The following TNRC18 variants were observed in gnomAD, a reference collection of about 807,000 sequenced individuals.
TNRC18 encodes the protein trinucleotide repeat-containing gene 18 protein.
Under a neutral mutation model 226.7 loss-of-function variants are expected in TNRC18, and 69 were observed. The observed-to-expected ratio is 0.30, with a 90% CI of 0.25 to 0.37. The LOEUF (loss-of-function observed/expected upper bound fraction) is 0.37. Among genes scored for constraint, TNRC18 ranks in the 10% least tolerant of loss-of-function variants. The probability of loss-of-function intolerance (pLI) is 1.00; values close to 1 mark genes in which losing one functional copy is unlikely to be tolerated. For synonymous variants in TNRC18, 2,449 were observed against 1,927.6 expected, an observed-to-expected ratio of 1.27 and a Z score of -7.09; for missense variants, 4,754 against 4,256.6, an observed-to-expected ratio of 1.12 and a Z score of -3.25.
chr7:5,345,831 A>G, intron 17 of TNRC18, 21 bp from the exon 18 acceptor site: 1 of 1,534,646 alleles, frequency 6.5e-7, no homozygotes, highest in Non-Finnish European at 8.7e-7. Flanking sequence ...GAAAACAGGG[A>G]CCGAGTCAGA....
intron 17 of TNRC18, among the ~76,000 whole-genome samples, chr7:5,346,125 G>C (rs946849149): frequency 1.3e-5 from 2 of 152,266 alleles, no homozygotes; most frequent in Non-Finnish European, 2.9e-5. Context: ...ACACGGACAA[G>C]GACTGGAGAC....
intron 2 of TNRC18, among the ~76,000 whole-genome samples, chr7:5,397,360 G>A (rs370691834): frequency 3.3e-5 from 5 of 152,324 alleles, no homozygotes; most frequent in South Asian, 2.1e-4. Flanking sequence ...GGCCCAGGCC[G>A]GCCCCTGCCC....
chr7:5,384,027 C>T (rs1474620748), intron 5 of TNRC18, among the ~76,000 whole-genome samples: 2 of 139,092 alleles, frequency 1.4e-5, no homozygotes, highest in Non-Finnish European at 3.0e-5. Flanking sequence ...TGCAATGGCA[C>T]GATCTCAGCT....
In TNRC18 at chr7:5,351,930, T is replaced by C; in HGVS notation, c.5359A>G (p.Thr1787Ala). ...LTKRGLAAPR[T>A]LKPKPATSRK... ...CTGGTGGCCGGCTTGGGTTTCAGAG[T>C]CCGGGGGGCCGCCAGGCCCCTCTTG... The change falls in exon 17 of 30, where the codon ACT (threonine) becomes GCT (alanine). Residue 1787 changes from threonine to alanine, a missense_variant. Thr to Ala is a moderately conservative substitution (Grantham distance 58). Coordinates refer to ENST00000430969, the MANE Select transcript of TNRC18 (RefSeq NM_001080495.3). 3.1e-6 allele frequency: 5 copies of C among 1,613,596 alleles called. No homozygotes were observed. The highest frequency in any genetic ancestry group is 2.2e-5 in the East Asian group (1 of 44,854).
chr7:5,385,513 A>G (rs1313173140), intron 5 of TNRC18, among the ~76,000 whole-genome samples: 2 of 147,622 alleles, frequency 1.4e-5, no homozygotes, highest in Admixed American at 6.7e-5. Flanking sequence ...AAAAAAAAAA[A>G]AAAAGAAAAA....
chr7:5,376,150 G>C lies in TNRC18; in HGVS notation c.2683C>G (p.His895Asp). 6.3e-7 allele frequency: 1 copy of C among 1,584,490 alleles called. No individual in the cohort carries two copies. Among genetic ancestry groups the C allele is most frequent in the Non-Finnish European group, 8.6e-7 (1 of 1,166,442 alleles). Residue 895 changes from histidine to aspartate, a missense_variant, in exon 9 of 30, where the codon CAC becomes GAC. Physicochemically the swap from His to Asp is moderately conservative, Grantham distance 81. Transcript: ENST00000430969. ...LYPPGRSPLH[H>D]AQQLQLFSQQ... The stretch of plus-strand genomic sequence containing the variant: ...GAGAAGAGCTGCAGCTGCTGGGCGT[G>C]GTGCAGGGGGCTGCGGCCCGGCGGG...
At chr7:5,327,372 CGTGTGTGTGTGTGT>C (rs5882054) in intron 19 of TNRC18, among the ~76,000 whole-genome samples, 20,494 of 142,740 alleles carry the variant, frequency 0.14, 1,474 homozygotes, top group Admixed American at 0.21. Flanking sequence ...TGTGTTTGTG[CGTGTGTGTGTGTGT>C]GTGTGTGTGT....
At chr7:5,414,528 T>C (rs1260763209) in intron 2 of TNRC18, among the ~76,000 whole-genome samples, 1 of 152,046 alleles carries the variant, frequency 6.6e-6, no homozygotes, top group Admixed American at 6.6e-5. Flanking sequence ...TTCTCCTGCC[T>C]CAGCCTCCAG....
chr7:5,316,107 G>C (rs564186758), intron 24 of TNRC18, 35 bp from the exon 25 acceptor site: 5 of 1,546,686 alleles, frequency 3.2e-6, no homozygotes, highest in African/African-American at 2.7e-5. Context: ...GGAGGCCCTC[G>C]GACCTCCAGC....
At chr7:5,342,089 C>T (rs1790740468) in intron 18 of TNRC18, among the ~76,000 whole-genome samples, 3 of 151,960 alleles carry the variant, frequency 2.0e-5, no homozygotes, top group African/African-American at 7.3e-5. Context: ...ATGATGATTC[C>T]TCTGATGGAT....
At chr7:5,402,395 C>T (rs756636681) in intron 2 of TNRC18, among the ~76,000 whole-genome samples, 56 of 151,488 alleles carry the variant, frequency 3.7e-4, no homozygotes, top group Admixed American at 1.3e-3. Context: ...ATTAGCCATG[C>T]ATGGCGGTGT....
intron 15 of TNRC18, among the ~76,000 whole-genome samples, chr7:5,358,631 T>C (rs373539862): frequency 2.4e-4 from 36 of 152,280 alleles, no homozygotes; most frequent in African/African-American, 7.9e-4. Flanking sequence ...CTGGCCAAGA[T>C]GGTGAAACCC....
chr7:5,354,294 C>T (rs1792125315), intron 16 of TNRC18, among the ~76,000 whole-genome samples: 1 of 152,060 alleles, frequency 6.6e-6, no homozygotes, highest in Non-Finnish European at 1.5e-5. Context: ...GCTCGGAGCA[C>T]CCCAGAGACA....
intron 14 of TNRC18, 101 bp downstream of exon 14, chr7:5,361,493 C>A: frequency 2.9e-6 from 4 of 1,360,450 alleles, no homozygotes; most frequent in Non-Finnish European, 3.8e-6. Context: ...GCCCGAGGGA[C>A]GCGAGGTCCC....
At chr7:5,404,144 G>A (rs553615309) in intron 2 of TNRC18, among the ~76,000 whole-genome samples, 11 of 152,326 alleles carry the variant, frequency 7.2e-5, no homozygotes, top group African/African-American at 2.4e-4. Flanking sequence ...AGGCCAAGGC[G>A]GTTCGATCAC....
intron 5 of TNRC18, 100 bp downstream of exon 5, chr7:5,387,571 GA>G: frequency 6.8e-7 from 1 of 1,476,592 alleles, no homozygotes; most frequent in Admixed American, 2.2e-5. Flanking sequence ...TACTTATAAA[GA>G]CTTAGCAATA....
Position 5,388,313 on chromosome 7 carries a change from G to A in TNRC18, c.1511C>T (p.Thr504Ile). The A allele has an allele frequency of 1.2e-6, 2 of 1,604,826 alleles. No homozygotes were observed. The highest frequency in any genetic ancestry group is 1.7e-6 in the Non-Finnish European group (2 of 1,176,800). ...FGLEPGRPPP[T>I]GPEHKWKPFE... ...GGGTTTCCATTTATGCTCAGGGCCGGTGGGCGGGGGGCGCCCGGGCTCCAG... is the reference window on the plus strand; with the variant it reads ...GGGTTTCCATTTATGCTCAGGGCCGATGGGCGGGGGGCGCCCGGGCTCCAG... Residue 504 changes from threonine to isoleucine, a missense_variant, in exon 5 of 30, where the codon ACC becomes ATC. Physicochemically the swap from Thr to Ile is moderately conservative, Grantham distance 89 (BLOSUM62 -1). Coordinates refer to ENST00000430969, the MANE Select transcript of TNRC18 (RefSeq NM_001080495.3).
At chr7:5,386,706 C>T (rs907964721) in intron 5 of TNRC18, among the ~76,000 whole-genome samples, 3 of 151,354 alleles carry the variant, frequency 2.0e-5, no homozygotes, top group African/African-American at 7.3e-5. Context: ...GCTATGATCA[C>T]ACCACTGCAC....
intron 17 of TNRC18, among the ~76,000 whole-genome samples, chr7:5,346,217 G>A (rs1378664207): frequency 6.6e-6 from 1 of 152,150 alleles, no homozygotes; most frequent in East Asian, 1.9e-4. Flanking sequence ...AGCGGAGGGA[G>A]GTGAGCACGG....
Sources: gnomAD v4.1 joint callset for allele counts (sites outside exome capture counted in the v4.1 genomes callset) on GRCh38, gnomAD v4.1.1 for gene constraint, MANE v1.5 for transcripts, NCBI Gene and HGNC (gene_info 2026-07-23, HGNC 2026-07-21) for gene names.